DNASE2: variants seen among roughly 807,000 people sequenced by gnomAD.
DNASE2 encodes deoxyribonuclease-2-alpha.
A neutral mutation model predicts 29.8 loss-of-function variants in DNASE2; 26 were observed. The ratio of observed to expected loss-of-function variants is 0.87; its 90% CI spans 0.64 to 1.21. DNASE2 has a LOEUF of 1.21. Among genes scored for constraint, DNASE2 ranks in the 50% most tolerant of loss-of-function variants. DNASE2 has a pLI of 0.00. For missense variants in DNASE2, 415 were observed against 455.6 expected (o/e 0.91, Z 0.81); for synonymous variants, 186 against 193.5 (o/e 0.96, Z 0.32).
At chr19:12,879,073 G>GT (rs779870819) in intron 3 of DNASE2, among the ~76,000 whole-genome samples, 8 of 151,680 alleles carry the variant, frequency 5.3e-5, no homozygotes, top group Non-Finnish European at 8.8e-5. Flanking sequence ...AACCCAGGAG[G>GT]TGGAGGTTGC....
At position 12,876,217 on chromosome 19, in the gene DNASE2, C is replaced by T. The variant is rs773363076; in HGVS notation, c.856G>A (p.Gly286Ser). ...VNQIAFPGPA[G>S]PSFNSTEDHS... is the part of the protein sequence containing the mutation. Reference sequence around the variant, plus strand: ...TCCTCTGTGCTGTTGAAGCTTGGGCCGGCTGGTCCAGGGAAAGCTATCTGG... The same window carrying T: ...TCCTCTGTGCTGTTGAAGCTTGGGCTGGCTGGTCCAGGGAAAGCTATCTGG... The change falls in exon 6 of 6, where the codon GGC becomes AGC. Residue 286 changes from glycine to serine, a missense_variant. Gly to Ser is a moderately conservative substitution (Grantham distance 56). Transcript: ENST00000222219. The T allele has an allele frequency of 1.7e-5, 27 of 1,614,016 alleles. No individual in the cohort carries two copies. The highest frequency in any genetic ancestry group is 5.5e-5 in the South Asian group (5 of 91,088).
rs774427647 is a variant in DNASE2 at position 12,878,392 on chromosome 19, T to C, written c.699A>G (p.Lys233=). ...AACCTTGAGACTCACCATCTCCAAA[T>C]TTGCTGAACTTGGCAAAGCTCTGGA... is the stretch of plus-strand genomic sequence containing the variant. ...AVFQSFAKFS[K]FGDDLYSGWL... is the part of the protein sequence containing the mutation. The change falls in exon 5 of 6, where the codon AAA becomes AAG. Residue 233 remains lysine, a synonymous_variant. Transcript: ENST00000222219. 2.5e-6 allele frequency: 4 copies of C among 1,612,580 alleles called. No homozygotes were observed. The Admixed American group carries it at 6.7e-5, about 27-fold the overall frequency.
intron 5 of DNASE2, among the ~76,000 whole-genome samples, chr19:12,877,273 T>C (rs1257784428): frequency 6.6e-6 from 1 of 152,004 alleles, no homozygotes; most frequent in Non-Finnish European, 1.5e-5. Context: ...GGGTCTCATT[T>C]TGACACCCCA....
intron 3 of DNASE2, among the ~76,000 whole-genome samples, chr19:12,879,274 C>G (rs1480275278): frequency 6.6e-6 from 1 of 151,692 alleles, no homozygotes; most frequent in African/African-American, 2.4e-5. Context: ...CACCTGAGGT[C>G]GGGAGTTCAA....
At chr19:12,880,483 C>T (rs1970367238) in intron 3 of DNASE2, among the ~76,000 whole-genome samples, 1 of 151,952 alleles carries the variant, frequency 6.6e-6, no homozygotes, top group Admixed American at 6.6e-5. Context: ...CATGGTGAAA[C>T]CTCGTCTGTA....
chr19:12,881,130 C>A lies in DNASE2; in HGVS notation c.109G>T (p.Ala37Ser), dbSNP rs1377788280. ...GCCGCCTCCCCGGACCCTCTAAGAG[C>A]TGGCAGCTTGTAGACCACGAACCTG... ...VDWFVVYKLPALRGSGEAAQR... is the reference protein window; with the variant it reads ...VDWFVVYKLPSLRGSGEAAQR... The change falls in exon 2 of 6, where the codon GCT becomes TCT. Residue 37 changes from alanine to serine, a missense_variant. Transcript: ENST00000222219. The A allele has an allele frequency of 1.2e-6, 2 of 1,611,818 alleles. No homozygotes were observed. Among genetic ancestry groups the A allele is most frequent in the Non-Finnish European group, 8.5e-7 (1 of 1,180,008 alleles).
Position 12,880,789 on chromosome 19 carries a change from A to T in DNASE2, c.346+13T>A. 1 of 1,614,184 alleles carries T rather than the reference A, an allele frequency of 6.2e-7. No individual in the cohort carries two copies. The highest frequency in any genetic ancestry group is 8.5e-7 in the Non-Finnish European group (1 of 1,180,018). ...GACCCGAGTCTCTCCCCAGCCCCCA[A>T]TCCAGGCCTCACCCTTCGTGTGCCC... is the stretch of plus-strand genomic sequence containing the variant. On this transcript the variant is annotated intron_variant, in intron 3 of 5. Coordinates refer to ENST00000222219, the MANE Select transcript of DNASE2 (RefSeq NM_001375.3).
intron 3 of DNASE2, among the ~76,000 whole-genome samples, chr19:12,880,485 T>C (rs961155854): frequency 2.0e-5 from 3 of 151,892 alleles, no homozygotes; most frequent in Admixed American, 6.6e-5. Context: ...TGGTGAAACC[T>C]CGTCTGTACT....
In DNASE2 at chr19:12,875,702, C is replaced by T. The variant is rs549599203; in HGVS notation, c.*288G>A. The T allele has an allele frequency of 2.3e-5, 7 of 298,132 alleles. No homozygotes were observed. The highest frequency in any genetic ancestry group is 1.7e-4 in the South Asian group (5 of 29,298). The allele number at this position is 298,132 out of a possible 1,614,324, so 18.5% of individuals were successfully genotyped here. A position where few individuals can be genotyped will look rare whatever the true frequency, so the allele number is the denominator to read the frequency against. On this transcript the variant is annotated 3_prime_UTR_variant, in exon 6 of 6. Transcript: ENST00000222219. Reference sequence around the variant, plus strand: ...AGCCACTGCACCCACCCGTCCCCCGCCCCCCCTTTTTTTTTGAAACAGAGT... The same window carrying T: ...AGCCACTGCACCCACCCGTCCCCCGTCCCCCCTTTTTTTTTGAAACAGAGT...
rs1302947576 is a variant in DNASE2, at chr19:12,881,315, C to T, written c.61G>A (p.Gly21Arg). 6.4e-7 allele frequency: 1 copy of T among 1,571,372 alleles called. No homozygotes were observed. The highest frequency in any genetic ancestry group is 8.6e-7 in the Non-Finnish European group (1 of 1,159,210). ...CAGTCTACAGGCTGCCCGGAGTCCC[C>T]GTAGCAGGTCAGGGCCCCGGCGGGG... is the stretch of plus-strand genomic sequence containing the variant. ...CVPAGALTCY[G>R]DSGQPVDWFV... The change falls in exon 1 of 6, where the codon GGG (glycine) becomes AGG (arginine). Residue 21 changes from glycine to arginine, a missense_variant. Transcript: ENST00000222219.
Position 12,878,486 on chromosome 19 carries a change from T to C in DNASE2, c.605A>G (p.Lys202Arg), listed in dbSNP as rs771117083. The C allele has an allele frequency of 1.3e-5, 21 of 1,613,988 alleles. No individual in the cohort carries two copies. Among genetic ancestry groups the C allele is most frequent in the Non-Finnish European group, 1.8e-5 (21 of 1,180,052 alleles). The change falls in exon 5 of 6, where the codon AAG becomes AGG. Residue 202 changes from lysine to arginine, a missense_variant. Transcript: ENST00000222219. ...QEFPDLENVV[K>R]GHHVSQEPWN... ...GGGTTCTTGGCTAACGTGGTGGCCC[T>C]TGACCACATTCTCCAAGTCGGGGAA...
intron 5 of DNASE2, 27 bp from the exon 6 acceptor site, chr19:12,876,390 G>A: frequency 6.2e-7 from 1 of 1,606,468 alleles, no homozygotes; most frequent in Non-Finnish European, 8.5e-7. Context: ...GAGGGCACAG[G>A]TAGGGTCAGG....
At chr19:12,881,202 C>T (rs1479296953) in intron 1 of DNASE2, 50 bp from the exon 2 acceptor site, 2 of 1,611,098 alleles carry the variant, frequency 1.2e-6, no homozygotes, top group Non-Finnish European at 1.7e-6. Context: ...GAGAAGGCAC[C>T]CCAGGGTTCC....
chr19:12,875,796 C>T lies in DNASE2; in HGVS notation c.*194G>A. The T allele has an allele frequency of 3.5e-6, 2 of 571,450 alleles. No homozygotes were observed. The allele number at this position is 571,450 out of a possible 1,614,324, so 35.4% of individuals were successfully genotyped here. On this transcript the variant is annotated 3_prime_UTR_variant, in exon 6 of 6. Transcript: ENST00000222219. ...CCATGATCTCCCTGGTTCAATCGAT[C>T]CTCTGGCTTCAGTGGCTGGGACTAC... is the stretch of plus-strand genomic sequence containing the variant.
rs967493166 is a variant in DNASE2 at position 12,875,826 on chromosome 19, A to T, written c.*164T>A. 7.7e-6 allele frequency: 6 copies of T among 778,180 alleles called. No individual in the cohort carries two copies. The highest frequency in any genetic ancestry group is 2.8e-5 in the Admixed American group (1 of 35,176). The allele number at this position is 778,180 out of a possible 1,614,324, so 48.2% of individuals were successfully genotyped here. A position where few individuals can be genotyped will look rare whatever the true frequency, so the allele number is the denominator to read the frequency against. Reference sequence around the variant, plus strand: ...GGCTTCAGTGGCTGGGACTACAGGCATTTATCACCGTGCCTGGCTAACTTT... The same window carrying T: ...GGCTTCAGTGGCTGGGACTACAGGCTTTTATCACCGTGCCTGGCTAACTTT... On this transcript the variant is annotated 3_prime_UTR_variant, in exon 6 of 6. Transcript: ENST00000222219.
At chr19:12,876,787 C>G (rs906198277) in intron 5 of DNASE2, among the ~76,000 whole-genome samples, 2 of 151,732 alleles carry the variant, frequency 1.3e-5, no homozygotes, top group African/African-American at 4.8e-5. Context: ...TTGTCAATTC[C>G]CAGTCCTGGG....
chr19:12,876,168 G>C lies in DNASE2; in HGVS notation c.905C>G (p.Pro302Arg), dbSNP rs747314747. Residue 302 changes from proline to arginine, a missense_variant, in exon 6 of 6, where the codon CCA (proline) becomes CGA (arginine). Coordinates refer to ENST00000222219, the MANE Select transcript of DNASE2 (RefSeq NM_001375.3). ...ACCCACGCAGGTCCAGGGCCCTTTT[G>C]GGGACACGCACCATTTGGAGTGGTC... ...TEDHSKWCVS[P>R]KGPWTCVGDM... 7 of 1,614,186 alleles carry C rather than the reference G, an allele frequency of 4.3e-6. No homozygotes were observed. The South Asian group carries it at 7.7e-5, about 18-fold the overall frequency.
At chr19:12,877,162 TG>T (rs1251165880) in intron 5 of DNASE2, among the ~76,000 whole-genome samples, 3 of 151,076 alleles carry the variant, frequency 2.0e-5, no homozygotes, top group Non-Finnish European at 4.4e-5. Flanking sequence ...TGGGCTCAAG[TG>T]ACCCACCCGC....
rs1970315334 is a variant in DNASE2 at position 12,876,034 on chromosome 19, A to G, written c.1039T>C (p.Cys347Arg). The G allele has an allele frequency of 1.2e-6, 2 of 1,613,784 alleles. No homozygotes were observed. Among genetic ancestry groups the G allele is most frequent in the Admixed American group, 1.7e-5 (1 of 60,000 alleles). The stretch of plus-strand genomic sequence containing the variant: ...CTGGGCTTCCTGGCCATGCCATTAC[A>G]GGGCTGGTAGTTCTTCACCAGCGGC... ...FQPLVKNYQP[C>R]NGMARKPSRA... The change falls in exon 6 of 6, where the codon TGT becomes CGT. Residue 347 changes from cysteine (C) to arginine (R), a missense_variant. Coordinates refer to ENST00000222219, the MANE Select transcript of DNASE2 (RefSeq NM_001375.3).
Sources: gnomAD v4.1 joint callset for allele counts (sites outside exome capture counted in the v4.1 genomes callset) on GRCh38, gnomAD v4.1.1 for gene constraint, MANE v1.5 for transcripts, NCBI Gene and HGNC (gene_info 2026-07-23, HGNC 2026-07-21) for gene names.